The following GRIK2 variants were observed in gnomAD, a reference collection of about 807,000 sequenced individuals.
GRIK2 encodes glutamate ionotropic receptor kainate type subunit 2.
Under a neutral mutation model 100.3 loss-of-function variants are expected in GRIK2, and 32 were observed. The ratio of observed to expected loss-of-function variants is 0.32; its 90% CI spans 0.24 to 0.43. The LOEUF (loss-of-function observed/expected upper bound fraction) is 0.43. GRIK2 is among the 20% of genes least tolerant of loss of function. The pLI, the probability that GRIK2 is intolerant of heterozygous loss-of-function variation, is 1.00. For synonymous variants in GRIK2, 417 were observed against 389.4 expected, an observed-to-expected ratio of 1.07 and a Z score of -0.83; for missense variants, 843 against 1,114.9, an observed-to-expected ratio of 0.76 and a Z score of 3.47.
At chr6:101,451,231 T>C (rs1366575810) in intron 2 of GRIK2, among the ~76,000 whole-genome samples, 3 of 151,712 alleles carry the variant, frequency 2.0e-5, no homozygotes, top group Non-Finnish European at 4.4e-5. Context: ...TTAATCTTTA[T>C]GTTTGAGCTC....
chr6:101,575,894 T>C (rs915536887), intron 2 of GRIK2, among the ~76,000 whole-genome samples: 6 of 152,024 alleles, frequency 3.9e-5, no homozygotes, highest in African/African-American at 1.4e-4. Context: ...GTGTAACCTA[T>C]GTAAGAATTG....
At chr6:101,957,794 C>T (rs1197762619) in intron 14 of GRIK2, among the ~76,000 whole-genome samples, 3 of 152,012 alleles carry the variant, frequency 2.0e-5, no homozygotes, top group Non-Finnish European at 1.5e-5. Flanking sequence ...TGTCTTTTCT[C>T]CAGTGTATAC....
At chr6:101,975,729 T>C (rs1369019214) in intron 14 of GRIK2, among the ~76,000 whole-genome samples, 1 of 151,900 alleles carries the variant, frequency 6.6e-6, no homozygotes, top group African/African-American at 2.4e-5. Flanking sequence ...TGGAGTCAGG[T>C]AGTTTTTAGG....
intron 14 of GRIK2, among the ~76,000 whole-genome samples, chr6:102,001,696 C>T (rs1343933651): frequency 6.6e-6 from 1 of 151,966 alleles, no homozygotes; most frequent in Non-Finnish European, 1.5e-5. Context: ...CTTATCTTTT[C>T]CAGTCTGGTC....
chr6:101,754,759 G>A (rs894119095), intron 7 of GRIK2, among the ~76,000 whole-genome samples: 1 of 152,186 alleles, frequency 6.6e-6, no homozygotes, highest in African/African-American at 2.4e-5. Context: ...TTATGGGAAC[G>A]AGGGATGAGT....
intron 15 of GRIK2, among the ~76,000 whole-genome samples, chr6:102,047,528 T>C (rs1484415218): frequency 6.6e-6 from 1 of 151,914 alleles, no homozygotes; most frequent in Non-Finnish European, 1.5e-5. Context: ...GCTGGATGGA[T>C]CACAAGGTCA....
Position 101,889,644 on chromosome 6 carries a change from C to A in GRIK2, c.1529C>A (p.Ala510Asp). 2 of 1,456,364 alleles carry A rather than the reference C, an allele frequency of 1.4e-6. No individual in the cohort carries two copies. The highest frequency in any genetic ancestry group is 1.9e-6 in the Non-Finnish European group (2 of 1,061,630). The allele number at this position is 1,456,364 out of a possible 1,614,324, so 90.2% of individuals were successfully genotyped here. A position where few individuals can be genotyped will look rare whatever the true frequency, so the allele number is the denominator to read the frequency against. Residue 510 changes from alanine to aspartate, a missense_variant, in exon 12 of 17, where the codon GCT (alanine) becomes GAT (aspartate). Ala to Asp is a moderately radical substitution (Grantham distance 126). Coordinates refer to ENST00000369134, the MANE Select transcript of GRIK2 (RefSeq NM_021956.5). ...TTTGTTTGTTTCTGTCTACAGAAAG[C>A]TGACCTTGCAGTTGCTCCACTGGCT... Reference protein sequence around the residue: ...GMVRELIDHKADLAVAPLAIT... With the variant: ...GMVRELIDHKDDLAVAPLAIT...
At chr6:101,980,828 A>T (rs1793670762) in intron 14 of GRIK2, among the ~76,000 whole-genome samples, 1 of 151,590 alleles carries the variant, frequency 6.6e-6, no homozygotes, top group South Asian at 2.1e-4. Flanking sequence ...AATAATAAAA[A>T]TTACAGTTCT....
At chr6:101,984,364 C>G (rs1053553224) in intron 14 of GRIK2, among the ~76,000 whole-genome samples, 1 of 151,344 alleles carries the variant, frequency 6.6e-6, no homozygotes, top group African/African-American at 2.4e-5. Flanking sequence ...TCTTAACTAC[C>G]TTGCTTGGGT....
intron 9 of GRIK2, among the ~76,000 whole-genome samples, chr6:101,817,455 G>C (rs775134132): frequency 7.2e-5 from 11 of 152,116 alleles, no homozygotes; most frequent in South Asian, 2.1e-4. Context: ...GACAAATTTT[G>C]TTATTGATTA....
intron 5 of GRIK2, among the ~76,000 whole-genome samples, chr6:101,678,709 A>G (rs925042021): frequency 1.3e-5 from 2 of 152,190 alleles, no homozygotes; most frequent in Non-Finnish European, 2.9e-5. Flanking sequence ...CTCCTAAGAC[A>G]TGGTATAGGA....
intron 14 of GRIK2, among the ~76,000 whole-genome samples, chr6:101,934,472 T>C (rs1042759627): frequency 6.6e-6 from 1 of 151,924 alleles, no homozygotes; most frequent in African/African-American, 2.4e-5. Context: ...GGTGGGGTGA[T>C]AGTATATGTT....
At chr6:102,008,420 G>T (rs192776997) in intron 14 of GRIK2, among the ~76,000 whole-genome samples, 2 of 151,992 alleles carry the variant, frequency 1.3e-5, no homozygotes, top group African/African-American at 4.8e-5. Flanking sequence ...AAGCAATGTC[G>T]CCTGATGACA....
intron 14 of GRIK2, among the ~76,000 whole-genome samples, chr6:102,025,772 A>G (rs1223136198): frequency 6.6e-6 from 1 of 151,252 alleles, no homozygotes; most frequent in Non-Finnish European, 1.5e-5. Flanking sequence ...TGGTAAATCT[A>G]CGCACACACA....
intron 10 of GRIK2, among the ~76,000 whole-genome samples, chr6:101,827,624 T>C (rs1454127891): frequency 1.3e-5 from 2 of 151,920 alleles, no homozygotes; most frequent in Non-Finnish European, 2.9e-5. Flanking sequence ...CAGGGATTGC[T>C]ATTTTTGTAT....
intron 12 of GRIK2, among the ~76,000 whole-genome samples, chr6:101,903,427 T>A (rs1788011294): frequency 6.6e-6 from 1 of 151,838 alleles, no homozygotes; most frequent in Admixed American, 6.6e-5. Context: ...TCATCAGTTA[T>A]CAGAATGCCT....
rs114911076 is a variant in GRIK2, at chr6:101,992,547, T to C, written c.2086-42794T>C. ...TAATCAGACTGTATGTGGGTGAGGG[T>C]CAAACCAACCGAGGTCAATAGAGAG... On this transcript the variant is annotated intron_variant, in intron 14 of 16. Coordinates refer to ENST00000369134, the MANE Select transcript of GRIK2 (RefSeq NM_021956.5). 7.0e-3 allele frequency among the ~76,000 whole-genome samples: 1,063 copies of C among 151,606 alleles called. 14 individuals carry two copies. The highest frequency in any genetic ancestry group is 0.025 in the African/African-American group (1,030 of 41,468).
intron 2 of GRIK2, among the ~76,000 whole-genome samples, chr6:101,519,398 C>G (rs1180971967): frequency 1.3e-5 from 2 of 150,194 alleles, no homozygotes; most frequent in African/African-American, 4.9e-5. Context: ...TACTTTATTA[C>G]ATTATTTCAT....
At chr6:101,861,024 G>A in intron 11 of GRIK2, 4 of 344,882 alleles carry the variant, frequency 1.2e-5, no homozygotes, top group Non-Finnish European at 1.6e-5. Context: ...GTGCTCGTGA[G>A]CACTTGGTAA....
Sources: allele counts gnomAD v4.1 joint callset (sites outside exome capture counted in the v4.1 genomes callset), GRCh38; gene constraint gnomAD v4.1.1; transcripts MANE v1.5; gene names NCBI Gene and HGNC (gene_info 2026-07-23, HGNC 2026-07-21).